Variants in PCDHA5 observed in about 807,000 individuals in gnomAD.
PCDHA5 encodes the protein protocadherin alpha-5.
PCDHA5 carries 43 observed loss-of-function variants against 61.6 expected under a neutral mutation model. That is an observed-to-expected ratio of 0.70 (90% CI 0.55 to 0.90). The LOEUF is 0.90. PCDHA5 is among the 40% of genes least tolerant of loss of function. The pLI is 0.00. For missense variants in PCDHA5, 1,298 were observed against 1,222.7 expected (o/e 1.06, Z -0.92); for synonymous variants, 627 against 543.9 (o/e 1.15, Z -2.13).
rs200161334 is a variant in PCDHA5, at chr5:140,967,904, C to T, written c.2353-11045C>T. ...TAGCCCAGTGCCTGAGAATGCTACACCCAACACCATTGTGGCCGTTCTCAG... is the reference window on the plus strand; with the variant it reads ...TAGCCCAGTGCCTGAGAATGCTACATCCAACACCATTGTGGCCGTTCTCAG... On this transcript the variant is annotated intron_variant, in intron 1 of 3. Coordinates refer to ENST00000529859, the MANE Select transcript of PCDHA5 (RefSeq NM_018908.3). The T allele has an allele frequency of 3.3e-5, 53 of 1,614,164 alleles. No individual in the cohort carries two copies. In the East Asian group the frequency reaches 9.1e-4, roughly 28 times the overall value.
At chr5:140,900,058 C>G (rs1013599044) in intron 1 of PCDHA5, among the ~76,000 whole-genome samples, 1 of 152,160 alleles carries the variant, frequency 6.6e-6, no homozygotes, top group Non-Finnish European at 1.5e-5. Flanking sequence ...GATCCTTTAA[C>G]CTCAGCCTCC....
chr5:140,978,702 T>G (rs1200035752), intron 1 of PCDHA5, among the ~76,000 whole-genome samples: 2 of 152,252 alleles, frequency 1.3e-5, no homozygotes, highest in Non-Finnish European at 2.9e-5. Context: ...AAGCCAAAGG[T>G]GGCCTTTACA....
In PCDHA5 at chr5:140,870,787, C is replaced by T. The variant is rs782200395; in HGVS notation, c.2352+46660C>T. On this transcript the variant is annotated intron_variant, in intron 1 of 3. Transcript: ENST00000529859. ...CGTGCTGGACGAGAACGACAACGCG[C>T]CGGCACTGCTGGCGACTCAGGCTGG... 6.2e-7 allele frequency: 1 copy of T among 1,613,638 alleles called. No homozygotes were observed. Among genetic ancestry groups the T allele is most frequent in the Admixed American group, 1.7e-5 (1 of 60,028 alleles).
At chr5:140,973,040 T>G (rs529820612) in intron 1 of PCDHA5, among the ~76,000 whole-genome samples, 23 of 152,264 alleles carry the variant, frequency 1.5e-4, no homozygotes, top group African/African-American at 5.5e-4. Flanking sequence ...CTTTGAGTAC[T>G]CTAGTAGATT....
chr5:140,841,432 G>A (rs1365563680), intron 1 of PCDHA5: 5 of 1,612,878 alleles, frequency 3.1e-6, no homozygotes, highest in African/African-American at 1.3e-5. Flanking sequence ...CCGTCCCCGA[G>A]GAGGCCAAAC....
intron 1 of PCDHA5, among the ~76,000 whole-genome samples, chr5:140,891,388 C>A (rs2063075244): frequency 6.6e-6 from 1 of 151,946 alleles, no homozygotes; most frequent in South Asian, 2.1e-4. Flanking sequence ...TATTTGCAAT[C>A]TTTTATCCCT....
chr5:140,871,577 G>A, intron 1 of PCDHA5: 1 of 1,474,316 alleles, frequency 6.8e-7, no homozygotes, highest in Non-Finnish European at 9.0e-7. Flanking sequence ...ATTTTTTAAG[G>A]GAAAGTTTTA....
chr5:140,900,420 GGC>G lies in PCDHA5; in HGVS notation c.2352+76294_2352+76295del, dbSNP rs1554189140. ...AGCCTCCCAAGTAGCTGGGATTATA[GGC>G]ACGTGCCACCACGGCCGGCTAATTT... On this transcript the variant is annotated intron_variant, in intron 1 of 3. Transcript: ENST00000529859. Among the ~76,000 whole-genome samples the G allele has an allele frequency of 7.9e-5, 12 of 152,256 alleles. No individual in the cohort carries two copies. The East Asian group carries it at 2.3e-3, about 30-fold the overall frequency.
chr5:140,847,794 A>G (rs1581138286), intron 1 of PCDHA5: 1 of 149,890 alleles, frequency 6.7e-6, no homozygotes, highest in Admixed American at 6.7e-5. Context: ...GCAATATTTT[A>G]TACCTTTTCA....
At chr5:140,906,643 G>A (rs1049197869) in intron 1 of PCDHA5, among the ~76,000 whole-genome samples, 14 of 152,222 alleles carry the variant, frequency 9.2e-5, no homozygotes, top group South Asian at 4.1e-4. Context: ...TCAGCAGGTA[G>A]TGGTTTTTTC....
intron 1 of PCDHA5, chr5:140,926,540 T>G: frequency 4.6e-6 from 1 of 215,362 alleles, no homozygotes; most frequent in Non-Finnish European, 9.1e-6. Context: ...GCCAGCGTGG[T>G]GGTCGAGACC....
intron 1 of PCDHA5, chr5:140,966,810 G>C (rs1290992432): frequency 3.2e-6 from 5 of 1,548,566 alleles, no homozygotes; most frequent in Non-Finnish European, 4.3e-6. Context: ...GAGCATCCAC[G>C]GCTCCGGCGG....
In PCDHA5 at chr5:140,823,977, C is replaced by G. The variant is rs2150131083; in HGVS notation, c.2202C>G (p.Gly734=). Residue 734 remains glycine (G), a synonymous_variant, in exon 1 of 4, where the codon GGC becomes GGG. Coordinates refer to ENST00000529859, the MANE Select transcript of PCDHA5 (RefSeq NM_018908.3). ...AQPTEAVCTR[G]KPTLLCSSAV... ...CCACCGAGGCCGTGTGCACACGGGG[C>G]AAGCCCACTCTGTTGTGCTCCAGCG... is the stretch of plus-strand genomic sequence containing the variant. The G allele has an allele frequency of 1.2e-6, 2 of 1,614,044 alleles. No homozygotes were observed. Among genetic ancestry groups the G allele is most frequent in the Non-Finnish European group, 1.7e-6 (2 of 1,179,984 alleles).
At chr5:140,834,038 C>T (rs1580771063) in intron 1 of PCDHA5, among the ~76,000 whole-genome samples, 1 of 152,160 alleles carries the variant, frequency 6.6e-6, no homozygotes, top group Admixed American at 6.6e-5. Context: ...CCATCAGTCG[C>T]CTAAGAATGC....
At chr5:140,923,753 T>C (rs1554201575) in intron 1 of PCDHA5, among the ~76,000 whole-genome samples, 1 of 152,174 alleles carries the variant, frequency 6.6e-6, no homozygotes. Flanking sequence ...AGGCATATGG[T>C]GGGACAAATC....
At position 140,846,335 on chromosome 5, in the gene PCDHA5, T is replaced by C. The variant is rs2150387066; in HGVS notation, c.2352+22208T>C. On this transcript the variant is annotated intron_variant, in intron 1 of 3. Transcript: ENST00000529859. The stretch of plus-strand genomic sequence containing the variant: ...ATGTAGAGTGTTGTAAATAGCCTTT[T>C]AAAGTGCTTTCTCTTTTTTCTTTTC... Among the ~76,000 whole-genome samples, 8 of 148,836 alleles carry C rather than the reference T, an allele frequency of 5.4e-5. 1 individual carries two copies. Among genetic ancestry groups the C allele is most frequent in the African/African-American group, 2.0e-4 (8 of 40,850 alleles).
At position 140,856,173 on chromosome 5, in the gene PCDHA5, C is replaced by A. The variant is rs782775861; in HGVS notation, c.2352+32046C>A. The stretch of plus-strand genomic sequence containing the variant: ...GTCTACGAGGAGGCCAGACACGGCA[C>A]CTTCGTGGGCCGCATCGCGCAGGAC... On this transcript the variant is annotated intron_variant, in intron 1 of 3. Coordinates refer to ENST00000529859, the MANE Select transcript of PCDHA5 (RefSeq NM_018908.3). The A allele has an allele frequency of 1.1e-5, 17 of 1,598,116 alleles. 1 individual carries two copies. The highest frequency in any genetic ancestry group is 3.4e-4 in the Middle Eastern group (2 of 5,954).
chr5:140,843,542 T>C lies in PCDHA5; in HGVS notation c.2352+19415T>C, dbSNP rs2150362325. ...CCGGGCGGGCAAGCCCACTCTGGTG[T>C]GCTCCAGTGCGGTGGGGAGCTGGTC... On this transcript the variant is annotated intron_variant, in intron 1 of 3. Coordinates refer to ENST00000529859, the MANE Select transcript of PCDHA5 (RefSeq NM_018908.3). 10 of 1,595,778 alleles carry C rather than the reference T, an allele frequency of 6.3e-6. 1 individual carries two copies. Among genetic ancestry groups the C allele is most frequent in the Non-Finnish European group, 8.6e-6 (10 of 1,165,434 alleles).
chr5:140,944,003 C>A (rs1185007409), intron 1 of PCDHA5, among the ~76,000 whole-genome samples: 11 of 152,038 alleles, frequency 7.2e-5, no homozygotes, highest in African/African-American at 2.2e-4. Flanking sequence ...CTACTGAGTA[C>A]CCCCCAAAAG....
Sources: allele counts gnomAD v4.1 joint callset (sites outside exome capture counted in the v4.1 genomes callset), GRCh38; gene constraint gnomAD v4.1.1; transcripts MANE v1.5; gene names NCBI Gene and HGNC (gene_info 2026-07-23, HGNC 2026-07-21).